The following UBAP1 variants were observed in gnomAD, a reference collection of about 807,000 sequenced individuals.
UBAP1 encodes the protein ubiquitin-associated protein 1.
A neutral mutation model predicts 39.0 loss-of-function variants in UBAP1; 5 were observed. That is an observed-to-expected ratio of 0.13 (90% confidence interval 0.07 to 0.27). The LOEUF (loss-of-function observed/expected upper bound fraction) is 0.27. Ranked by LOEUF, UBAP1 falls within the 10% of genes least tolerant of loss-of-function variation. UBAP1 has a pLI of 1.00. For synonymous variants in UBAP1, 211 were observed against 225.1 expected (o/e 0.94, Z 0.56); for missense variants, 490 against 608.1 (o/e 0.81, Z 2.04).
chr9:34,204,285 T>C (rs1389089244), intron 1 of UBAP1, among the ~76,000 whole-genome samples: 1 of 152,204 alleles, frequency 6.6e-6, no homozygotes, highest in African/African-American at 2.4e-5. Context: ...CAAGACTCTG[T>C]CTCAAGACAA....
chr9:34,216,118 T>A (rs1010106606), intron 1 of UBAP1, among the ~76,000 whole-genome samples: 5 of 151,850 alleles, frequency 3.3e-5, no homozygotes, highest in African/African-American at 9.7e-5. Context: ...AACTTGGAAG[T>A]TATTGACACG....
chr9:34,199,478 TC>T (rs1210106362), intron 1 of UBAP1, among the ~76,000 whole-genome samples: 1 of 152,212 alleles, frequency 6.6e-6, no homozygotes, highest in Non-Finnish European at 1.5e-5. Context: ...TACAGAGAGT[TC>T]CTGGCTATCC....
At position 34,240,932 on chromosome 9, in the gene UBAP1, T is replaced by C. The variant is rs1433275284; in HGVS notation, c.160-253T>C. On this transcript the variant is annotated intron_variant, in intron 3 of 6. Transcript: ENST00000297661. ...ATGGGATTTGTTTAGGACATTGTGC[T>C]AGATAATAGAGATCCAAGGAGGGTC... Among the ~76,000 whole-genome samples the C allele has an allele frequency of 3.3e-5, 5 of 152,210 alleles. No individual in the cohort carries two copies. In the East Asian group the frequency reaches 9.6e-4, roughly 29 times the overall value.
At position 34,241,616 on chromosome 9, in the gene UBAP1, C is replaced by T. The variant is rs1162371804; in HGVS notation, c.591C>T (p.Asp197=). ...GACCCATTATGGCTCAGTTATTGGA[C>T]AATAACTTGCCCAGGGGAGGCTCTG... ...TTGPIMAQLL[D]NNLPRGGSGS... is the part of the protein sequence containing the mutation. The change falls in exon 4 of 7, where the codon GAC becomes GAT. Residue 197 remains aspartate, a synonymous_variant. Coordinates refer to ENST00000297661, the MANE Select transcript of UBAP1 (RefSeq NM_016525.5). The T allele has an allele frequency of 6.2e-7, 1 of 1,614,048 alleles. No individual in the cohort carries two copies. Among genetic ancestry groups the T allele is most frequent in the Admixed American group, 1.7e-5 (1 of 59,982 alleles).
At chr9:34,220,545 C>T (rs1044910254) in intron 1 of UBAP1, 1 of 172,748 alleles carries the variant, frequency 5.8e-6, no homozygotes, top group African/African-American at 2.4e-5. Flanking sequence ...AGGCTGGTCT[C>T]GAACTCCTGT....
chr9:34,240,594 T>G (rs1253573527), intron 3 of UBAP1, among the ~76,000 whole-genome samples: 1 of 152,194 alleles, frequency 6.6e-6, no homozygotes, highest in African/African-American at 2.4e-5. Context: ...TTTGTGTAAT[T>G]TGCTGTGTAA....
chr9:34,251,265 G>A (rs1019371203), intron 6 of UBAP1, 127 bp from the exon 7 acceptor site: 18 of 1,040,736 alleles, frequency 1.7e-5, no homozygotes, highest in Middle Eastern at 4.4e-4. Flanking sequence ...GGAGACTCAC[G>A]GGGCTCTGGG....
intron 1 of UBAP1, among the ~76,000 whole-genome samples, chr9:34,213,989 A>G (rs1171531327): frequency 6.6e-6 from 1 of 152,180 alleles, no homozygotes; most frequent in Non-Finnish European, 1.5e-5. Flanking sequence ...CTACAAGGAA[A>G]ACTACAAAAC....
In UBAP1 at chr9:34,237,071, A is replaced by G. The variant is rs576100412; in HGVS notation, c.159+2731A>G. Among the ~76,000 whole-genome samples, 15 of 152,286 alleles carry G rather than the reference A, an allele frequency of 9.8e-5. No individual in the cohort carries two copies. In the East Asian group the frequency reaches 2.5e-3, roughly 25 times the overall value. On this transcript the variant is annotated intron_variant, in intron 3 of 6. Transcript: ENST00000297661. ...CTATTCTAGATTGCGTGTAAATGCT[A>G]TCTCTTCGAGGGCTTCTTTCTCAGT... is the stretch of plus-strand genomic sequence containing the variant.
chr9:34,184,384 C>A (rs1448440900), intron 1 of UBAP1, among the ~76,000 whole-genome samples: 1 of 150,974 alleles, frequency 6.6e-6, no homozygotes, highest in Non-Finnish European at 1.5e-5. Flanking sequence ...GTAATCCCAG[C>A]ACTTTGGGAG....
At chr9:34,227,042 G>A (rs1833146609) in intron 2 of UBAP1, among the ~76,000 whole-genome samples, 1 of 152,064 alleles carries the variant, frequency 6.6e-6, no homozygotes, top group African/African-American at 2.4e-5. Context: ...CCCTGAATTT[G>A]GGTCTGATGA....
chr9:34,195,106 G>T (rs766160188), intron 1 of UBAP1, among the ~76,000 whole-genome samples: 4 of 149,516 alleles, frequency 2.7e-5, no homozygotes, highest in Admixed American at 6.7e-5. Flanking sequence ...TGAGAACAGA[G>T]ATTTTTTAAA....
chr9:34,237,666 T>C (rs911603113), intron 3 of UBAP1, among the ~76,000 whole-genome samples: 1 of 152,106 alleles, frequency 6.6e-6, no homozygotes, highest in African/African-American at 2.4e-5. Flanking sequence ...CTCCCTGAGC[T>C]TGGTGATCCT....
rs190815709 is a variant in UBAP1 at position 34,184,747 on chromosome 9, T to C, written c.-8+5507T>C. ...AAGAGATTCTCCTGCCTCAGCCTCCTGAGTAGCTGGGACTACAGATGGTGT... is the reference window on the plus strand; with the variant it reads ...AAGAGATTCTCCTGCCTCAGCCTCCCGAGTAGCTGGGACTACAGATGGTGT... On this transcript the variant is annotated intron_variant, in intron 1 of 6. Coordinates refer to ENST00000297661, the MANE Select transcript of UBAP1 (RefSeq NM_016525.5). Among the ~76,000 whole-genome samples the C allele has an allele frequency of 4.7e-3, 678 of 145,168 alleles. 1 individual carries two copies. Among genetic ancestry groups the C allele is most frequent in the Non-Finnish European group, 7.8e-3 (514 of 66,044 alleles).
chr9:34,247,023 A>T (rs1834212949), intron 4 of UBAP1, among the ~76,000 whole-genome samples: 1 of 152,190 alleles, frequency 6.6e-6, no homozygotes, highest in Non-Finnish European at 1.5e-5. Context: ...TTATTGAAAA[A>T]ATAATGACAA....
intron 5 of UBAP1, 87 bp from the exon 6 acceptor site, chr9:34,250,571 G>A (rs1181541503): frequency 1.6e-5 from 17 of 1,055,130 alleles, no homozygotes; most frequent in Middle Eastern, 4.2e-4. Context: ...GGCGGAGAAC[G>A]GACTTCACAC....
At chr9:34,231,617 G>C (rs1397845662) in intron 2 of UBAP1, among the ~76,000 whole-genome samples, 2 of 151,190 alleles carry the variant, frequency 1.3e-5, no homozygotes, top group African/African-American at 4.9e-5. Context: ...CCCTGTTAAG[G>C]GACACTCAAA....
At chr9:34,215,971 T>C (rs1345802402) in intron 1 of UBAP1, among the ~76,000 whole-genome samples, 1 of 152,124 alleles carries the variant, frequency 6.6e-6, no homozygotes, top group African/African-American at 2.4e-5. Context: ...AAAAATATTT[T>C]ATCAGCTCTA....
intron 2 of UBAP1, among the ~76,000 whole-genome samples, chr9:34,233,232 T>TC (rs1227153064): frequency 6.6e-6 from 1 of 151,182 alleles, no homozygotes; most frequent in Admixed American, 6.6e-5. Flanking sequence ...CTTCTTTTTT[T>TC]TTTTTTTGAG....
Sources: gnomAD v4.1 joint callset for allele counts (sites outside exome capture counted in the v4.1 genomes callset) on GRCh38, gnomAD v4.1.1 for gene constraint, MANE v1.5 for transcripts, NCBI Gene and HGNC (gene_info 2026-07-23, HGNC 2026-07-21) for gene names.